Variants in ZMYND11 observed in about 807,000 individuals in gnomAD.
ZMYND11 encodes zinc finger MYND domain-containing protein 11.
ZMYND11 carries 9 observed loss-of-function variants against 84.9 expected under a neutral mutation model. The ratio of observed to expected loss-of-function variants is 0.11; its 90% CI spans 0.06 to 0.18. The LOEUF (loss-of-function observed/expected upper bound fraction) is 0.18, where lower values mean the gene tolerates loss of function less well. Ranked by LOEUF, ZMYND11 falls within the 10% of genes least tolerant of loss-of-function variation. The pLI, the probability that ZMYND11 is intolerant of heterozygous loss-of-function variation, is 1.00. For missense variants in ZMYND11, 409 were observed against 761.0 expected (o/e 0.54, Z 5.44); for synonymous variants, 250 against 244.1 (o/e 1.02, Z -0.23).
intron 2 of ZMYND11, among the ~76,000 whole-genome samples, chr10:180,416 T>G (rs958910882): frequency 3.9e-5 from 6 of 152,236 alleles, no homozygotes; most frequent in Non-Finnish European, 5.9e-5. Flanking sequence ...TTTATTTATT[T>G]TGAGACGGAG....
chr10:247,881 G>A (rs1462916605), intron 12 of ZMYND11, among the ~76,000 whole-genome samples: 3 of 152,180 alleles, frequency 2.0e-5, no homozygotes, highest in Non-Finnish European at 4.4e-5. Flanking sequence ...AGTGATATAA[G>A]CCCTGCATGT....
At chr10:169,007 G>T (rs561049105) in intron 1 of ZMYND11, among the ~76,000 whole-genome samples, 7 of 152,208 alleles carry the variant, frequency 4.6e-5, no homozygotes, top group Admixed American at 4.6e-4. Context: ...ATCTCCTTGT[G>T]CTTCTTGGAG....
At chr10:238,380 G>A (rs1195309161) in intron 6 of ZMYND11, among the ~76,000 whole-genome samples, 1 of 150,638 alleles carries the variant, frequency 6.6e-6, no homozygotes, top group African/African-American at 2.4e-5. Flanking sequence ...TTTTTGAGAC[G>A]GAGTCTCACT....
intron 12 of ZMYND11, among the ~76,000 whole-genome samples, chr10:247,993 A>G (rs920041921): frequency 1.3e-5 from 2 of 152,214 alleles, no homozygotes; most frequent in African/African-American, 4.8e-5. Context: ...TGAAGTAATT[A>G]TAAGTTGACA....
chr10:183,049 C>T (rs556518129), intron 2 of ZMYND11, among the ~76,000 whole-genome samples: 3 of 152,106 alleles, frequency 2.0e-5, no homozygotes, highest in South Asian at 2.1e-4. Flanking sequence ...TGATGAGTGA[C>T]GCCATTATAA....
intron 2 of ZMYND11, among the ~76,000 whole-genome samples, chr10:207,010 C>T (rs2131214416): frequency 6.6e-6 from 1 of 152,130 alleles, no homozygotes; most frequent in Admixed American, 6.5e-5. Context: ...CACAACAGTC[C>T]CCAGAGTGTG....
At position 180,863 on chromosome 10, in the gene ZMYND11, T is replaced by C. The variant is rs1342901773; in HGVS notation, c.116+735T>C. Among the ~76,000 whole-genome samples the C allele has an allele frequency of 3.3e-5, 5 of 152,348 alleles. No individual in the cohort carries two copies. The East Asian group carries it at 9.6e-4, about 29-fold the overall frequency. On this transcript the variant is annotated intron_variant, in intron 2 of 14. Transcript: ENST00000381604. ...AGCCCACTAACAGAATTTTTAACAA[T>C]TTCCTTCTGTATTTTAGAAATCATG... is the stretch of plus-strand genomic sequence containing the variant.
chr10:240,397 G>A (rs558396973), intron 8 of ZMYND11, among the ~76,000 whole-genome samples: 8 of 152,284 alleles, frequency 5.3e-5, no homozygotes, highest in African/African-American at 1.7e-4. Flanking sequence ...CCAGCTACTC[G>A]GGAGGCTGAG....
chr10:232,938 GGTTAACCTCAAGATCC>G (rs1949254382), intron 4 of ZMYND11, among the ~76,000 whole-genome samples: 1 of 152,162 alleles, frequency 6.6e-6, no homozygotes, highest in Admixed American at 6.5e-5. Flanking sequence ...TAAAAACTCA[GGTTAACCTCAAGATCC>G]CTTTAAAAGA....
intron 9 of ZMYND11, among the ~76,000 whole-genome samples, 176 bp downstream of exon 9, chr10:241,146 T>A (rs941646799): frequency 1.3e-5 from 2 of 152,170 alleles, no homozygotes; most frequent in Admixed American, 6.5e-5. Flanking sequence ...TTTCTGATTT[T>A]AAAATGAGAT....
intron 2 of ZMYND11, among the ~76,000 whole-genome samples, chr10:204,949 C>A (rs997253448): frequency 5.3e-5 from 8 of 151,624 alleles, no homozygotes; most frequent in African/African-American, 1.9e-4. Flanking sequence ...TTCTACAGGT[C>A]ACTGATTTTC....
intron 5 of ZMYND11, 39 bp downstream of exon 5, chr10:236,954 A>G: frequency 6.4e-7 from 1 of 1,559,266 alleles, no homozygotes; most frequent in Non-Finnish European, 8.8e-7. Context: ...ATATCCCAAA[A>G]CACATTTTAC....
intron 1 of ZMYND11, among the ~76,000 whole-genome samples, chr10:156,474 G>A (rs1338537822): frequency 1.3e-5 from 2 of 152,024 alleles, no homozygotes; most frequent in Non-Finnish European, 2.9e-5. Context: ...ACTGTATTTT[G>A]GTGTTTTATT....
At chr10:170,611 T>C (rs781930265) in intron 1 of ZMYND11, among the ~76,000 whole-genome samples, 2 of 152,122 alleles carry the variant, frequency 1.3e-5, no homozygotes, top group Non-Finnish European at 2.9e-5. Flanking sequence ...TATAATGTTA[T>C]TCGAAAGTGG....
chr10:241,699 A>G (rs1367697206), intron 9 of ZMYND11, among the ~76,000 whole-genome samples: 2 of 151,970 alleles, frequency 1.3e-5, no homozygotes, highest in South Asian at 2.1e-4. Context: ...AAATTTCCCC[A>G]TTTCTAACAA....
intron 1 of ZMYND11, among the ~76,000 whole-genome samples, chr10:150,095 A>C (rs1470589869): frequency 1.3e-5 from 2 of 152,186 alleles, no homozygotes; most frequent in Non-Finnish European, 2.9e-5. Flanking sequence ...TGTCTCTGCC[A>C]GGCGTTGGTA....
In ZMYND11 at chr10:246,762, C is replaced by G. The variant is rs764462028; in HGVS notation, c.951-4C>G. On this transcript the variant is annotated splice_polypyrimidine_tract_variant and splice_region_variant and intron_variant, in intron 10 of 14. Coordinates refer to ENST00000381604, the MANE Select transcript of ZMYND11 (RefSeq NM_001370100.5). ...CTAACTATACCTTTATGTGTTTTTC[C>G]TAGGGCCTGGATTCCTTCTGAAAAC... is the stretch of plus-strand genomic sequence containing the variant. 5 of 1,613,928 alleles carry G rather than the reference C, an allele frequency of 3.1e-6. No individual in the cohort carries two copies. The highest frequency in any genetic ancestry group is 3.4e-6 in the Non-Finnish European group (4 of 1,179,918).
intron 1 of ZMYND11, among the ~76,000 whole-genome samples, chr10:170,823 G>C (rs1845152443): frequency 6.6e-6 from 1 of 152,004 alleles, no homozygotes; most frequent in Admixed American, 6.6e-5. Context: ...TGACAAACAT[G>C]GTAGATATTA....
At chr10:240,169 G>T in intron 8 of ZMYND11, 58 bp downstream of exon 8, 1 of 1,379,410 alleles carries the variant, frequency 7.2e-7, no homozygotes, top group Non-Finnish European at 1.0e-6. Flanking sequence ...ATTTATTTCA[G>T]GATTCCACTC....
Sources: gnomAD v4.1 joint callset for allele counts (sites outside exome capture counted in the v4.1 genomes callset) on GRCh38, gnomAD v4.1.1 for gene constraint, MANE v1.5 for transcripts, NCBI Gene and HGNC (gene_info 2026-07-23, HGNC 2026-07-21) for gene names.